SCARA3: variants seen among roughly 807,000 people sequenced by gnomAD.
SCARA3 encodes the protein cellular stress response gene protein.
In SCARA3, 39 loss-of-function variants were observed where a neutral mutation model predicts 47.0. The observed-to-expected ratio is 0.83, with a 90% CI of 0.64 to 1.08. The LOEUF is 1.08. Among genes scored for constraint, SCARA3 ranks in the 50% least tolerant of loss-of-function variants. SCARA3 has a pLI of 0.00. For missense variants in SCARA3, 724 were observed against 792.3 expected, an observed-to-expected ratio of 0.91 and a Z score of 1.04; for synonymous variants, 356 against 334.1, an observed-to-expected ratio of 1.07 and a Z score of -0.71.
Position 27,672,094 on chromosome 8 carries a change from G to C in SCARA3, c.*743G>C, listed in dbSNP as rs1802180133. ...GGCAAAGTGGACCTGGCAACCACAA[G>C]ACCCTCCCCATAAGCAGGGGACCAG... On this transcript the variant is annotated 3_prime_UTR_variant, in exon 6 of 6. Transcript: ENST00000301904. 1.0e-6 allele frequency: 1 copy of C among 985,296 alleles called. No homozygotes were observed. Among genetic ancestry groups the C allele is most frequent in the South Asian group, 4.7e-5 (1 of 21,292 alleles). The allele number at this position is 985,296 out of a possible 1,614,324, so 61.0% of individuals were successfully genotyped here.
chr8:27,718,598 T>C, the SCARA3 span, among the ~76,000 whole-genome samples: 15 of 152,132 alleles, frequency 9.9e-5, no homozygotes, highest in Admixed American at 9.8e-4. Flanking sequence ...GATGGGGAAG[T>C]ATTTATTGGG....
intron 1 of SCARA3, among the ~76,000 whole-genome samples, chr8:27,640,981 G>A (rs1417782780): frequency 6.6e-6 from 1 of 152,232 alleles, no homozygotes; most frequent in Non-Finnish European, 1.5e-5. Flanking sequence ...ACAGGCGTGA[G>A]CCACTGCACC....
At chr8:27,694,090 G>A in the SCARA3 span, among the ~76,000 whole-genome samples, 3 of 152,178 alleles carry the variant, frequency 2.0e-5, no homozygotes, top group Admixed American at 2.0e-4. Context: ...ACCTGTCTCA[G>A]ATATTTTGGG....
At chr8:27,695,925 CA>C in the SCARA3 span, among the ~76,000 whole-genome samples, 1 of 150,646 alleles carries the variant, frequency 6.6e-6, no homozygotes, top group Non-Finnish European at 1.5e-5. Flanking sequence ...ATTGGACACT[CA>C]AAAAAAAACT....
At chr8:27,719,538 A>T in the SCARA3 span, among the ~76,000 whole-genome samples, 2 of 74,454 alleles carry the variant, frequency 2.7e-5, no homozygotes, top group Admixed American at 1.0e-4. Context: ...AATAAAAGTT[A>T]AAAAAAAAAA....
At chr8:27,704,649 C>A in the SCARA3 span, among the ~76,000 whole-genome samples, 1 of 152,158 alleles carries the variant, frequency 6.6e-6, no homozygotes, top group Non-Finnish European at 1.5e-5. Context: ...GTTTCCTGAA[C>A]TAGCTGTGGT....
At chr8:27,706,003 A>C in the SCARA3 span, among the ~76,000 whole-genome samples, 1 of 152,202 alleles carries the variant, frequency 6.6e-6, no homozygotes, top group African/African-American at 2.4e-5. Flanking sequence ...GGTGAGAGAG[A>C]GCATGGCATC....
At chr8:27,692,709 C>A in the SCARA3 span, among the ~76,000 whole-genome samples, 1 of 152,272 alleles carries the variant, frequency 6.6e-6, no homozygotes, top group South Asian at 2.1e-4. Flanking sequence ...CTGAAGCCTG[C>A]TGCCTGGAAG....
At chr8:27,668,546 C>CAAA (rs61162841) in intron 5 of SCARA3, among the ~76,000 whole-genome samples, 4 of 69,838 alleles carry the variant, frequency 5.7e-5, no homozygotes, top group Admixed American at 1.6e-4. Flanking sequence ...GACTCCGTCT[C>CAAA]AAAAAAAAAA....
Position 27,672,344 on chromosome 8 carries a change from G to T in SCARA3, c.*993G>T. On this transcript the variant is annotated 3_prime_UTR_variant, in exon 6 of 6. Transcript: ENST00000301904. Reference sequence around the variant, plus strand: ...CACTCTGCAGGCCCTGGAACATTGGGCCTGAGTGGAGATGGGAGACAGAGG... The same window carrying T: ...CACTCTGCAGGCCCTGGAACATTGGTCCTGAGTGGAGATGGGAGACAGAGG... 1.0e-6 allele frequency: 1 copy of T among 985,498 alleles called. No individual in the cohort carries two copies. The highest frequency in any genetic ancestry group is 1.2e-6 in the Non-Finnish European group (1 of 829,988). The allele number at this position is 985,498 out of a possible 1,614,324, so 61.0% of individuals were successfully genotyped here. A position where few individuals can be genotyped will look rare whatever the true frequency, so the allele number is the denominator to read the frequency against.
At chr8:27,686,330 G>T in the SCARA3 span, among the ~76,000 whole-genome samples, 1 of 151,966 alleles carries the variant, frequency 6.6e-6, no homozygotes, top group Non-Finnish European at 1.5e-5. Flanking sequence ...AGTTGTCCCA[G>T]CTACTTAGGA....
chr8:27,710,910 A>G, the SCARA3 span, among the ~76,000 whole-genome samples: 3 of 141,168 alleles, frequency 2.1e-5, no homozygotes, highest in Admixed American at 1.5e-4. Context: ...AATCTCTCAT[A>G]GGTGATTTTT....
the SCARA3 span, among the ~76,000 whole-genome samples, chr8:27,698,488 C>T: frequency 6.6e-6 from 1 of 152,168 alleles, no homozygotes. Context: ...CATCTCCCAA[C>T]ACTTTTATTC....
At chr8:27,643,023 G>T (rs1801416467) in intron 1 of SCARA3, among the ~76,000 whole-genome samples, 1 of 152,128 alleles carries the variant, frequency 6.6e-6, no homozygotes, top group African/African-American at 2.4e-5. Context: ...GCACCAGCCT[G>T]CGAGCAGGTA....
chr8:27,675,632 A>G (rs2128925012), downstream of SCARA3, among the ~76,000 whole-genome samples: 1 of 152,258 alleles, frequency 6.6e-6, no homozygotes, highest in East Asian at 1.9e-4. Flanking sequence ...TCTACTGAAA[A>G]TACAAAAATT....
intron 5 of SCARA3, among the ~76,000 whole-genome samples, chr8:27,661,170 T>C (rs1378092942): frequency 6.6e-6 from 1 of 152,184 alleles, no homozygotes; most frequent in African/African-American, 2.4e-5. Flanking sequence ...GAATTATATT[T>C]GACCAATATC....
the SCARA3 span, among the ~76,000 whole-genome samples, chr8:27,725,889 A>G: frequency 6.6e-6 from 1 of 152,208 alleles, no homozygotes. Flanking sequence ...GGCAGCTGAC[A>G]GCTGTCTTGA....
chr8:27,667,264 C>T (rs909531848), intron 5 of SCARA3, among the ~76,000 whole-genome samples: 4 of 152,204 alleles, frequency 2.6e-5, no homozygotes, highest in Non-Finnish European at 2.9e-5. Flanking sequence ...GTCCTCTGCC[C>T]GCATGACTCA....
At chr8:27,722,406 G>A in the SCARA3 span, among the ~76,000 whole-genome samples, 1 of 151,938 alleles carries the variant, frequency 6.6e-6, no homozygotes, top group Admixed American at 6.6e-5. Flanking sequence ...GCTACTCTGG[G>A]CTTCTGCATC....
Sources: allele counts gnomAD v4.1 joint callset (sites outside exome capture counted in the v4.1 genomes callset), GRCh38; gene constraint gnomAD v4.1.1; transcripts MANE v1.5; gene names NCBI Gene and HGNC (gene_info 2026-07-23, HGNC 2026-07-21).